KRT79: variants seen among roughly 807,000 people sequenced by gnomAD.
The protein encoded by KRT79 is keratin 79, also known as keratin, type II cytoskeletal 79.
A neutral mutation model predicts 49.0 loss-of-function variants in KRT79; 51 were observed. The ratio of observed to expected loss-of-function variants is 1.04; its 90% CI spans 0.83 to 1.31. The LOEUF is 1.31. Among genes scored for constraint, KRT79 ranks in the 40% most tolerant of loss-of-function variants. KRT79 has a pLI of 0.00. For synonymous variants in KRT79, 312 were observed against 286.6 expected, an observed-to-expected ratio of 1.09 and a Z score of -0.90; for missense variants, 728 against 688.0, an observed-to-expected ratio of 1.06 and a Z score of -0.65.
Position 52,823,868 on chromosome 12 carries a change from G to GC in KRT79, c.1146+18dup, listed in dbSNP as rs1565689784. On this transcript the variant is annotated intron_variant, in intron 6 of 8. Coordinates refer to ENST00000330553, the MANE Select transcript of KRT79 (RefSeq NM_175834.3). Reference sequence around the variant, plus strand: ...GCCAACACCTAGGCCAGACCCCCAAGCCCCCAGTAGAGTCCCACCTGCTTC... The same window carrying GC: ...GCCAACACCTAGGCCAGACCCCCAAGCCCCCCAGTAGAGTCCCACCTGCTTC... 1.2e-6 allele frequency: 2 copies of GC among 1,605,662 alleles called. No homozygotes were observed. Among genetic ancestry groups the GC allele is most frequent in the Non-Finnish European group, 8.5e-7 (1 of 1,176,804 alleles).
chr12:52,829,495 A>G (rs116839727), intron 4 of KRT79, among the ~76,000 whole-genome samples: 167 of 152,336 alleles, frequency 1.1e-3, no homozygotes, highest in African/African-American at 3.4e-3. Context: ...TAAAATTGAG[A>G]CAATAATAGT....
At chr12:52,824,104 C>G in intron 5 of KRT79, 92 bp from the exon 6 acceptor site, 1 of 1,612,306 alleles carries the variant, frequency 6.2e-7, no homozygotes, top group South Asian at 1.1e-5. Context: ...TATCTGGCCC[C>G]CCGGACTCCA....
chr12:52,831,670 A>T (rs753621406), intron 1 of KRT79, 44 bp from the exon 2 acceptor site: 11 of 1,537,378 alleles, frequency 7.2e-6, no homozygotes, highest in Non-Finnish European at 9.9e-6. Context: ...CCCTCCGGTC[A>T]CCAGAGGAGC....
At chr12:52,830,447 T>G in intron 2 of KRT79, 155 bp from the exon 3 acceptor site, 1 of 628,358 alleles carries the variant, frequency 1.6e-6, no homozygotes, top group Middle Eastern at 4.1e-4. Context: ...TGAAGAAACA[T>G]GGGGTCTGCC....
Position 52,834,073 on chromosome 12 carries a change from T to C in KRT79, c.188A>G (p.Tyr63Cys). 2 of 1,613,382 alleles carry C rather than the reference T, an allele frequency of 1.2e-6. No individual in the cohort carries two copies. Among genetic ancestry groups the C allele is most frequent in the Non-Finnish European group, 1.7e-6 (2 of 1,179,866 alleles). The stretch of plus-strand genomic sequence containing the variant: ...GATACTCTTGTGGCCCCCCAAGTTA[T>C]AGAGGCTTCGGCTGCCAAAGCCACC... ...GTGGFGSRSLYNLGGHKSISV... is the reference protein window; with the variant it reads ...GTGGFGSRSLCNLGGHKSISV... The change falls in exon 1 of 9, where the codon TAT becomes TGT. Residue 63 changes from tyrosine (Y) to cysteine (C), a missense_variant. By Grantham distance (194) the Tyr-to-Cys change is radical. Coordinates refer to ENST00000330553, the MANE Select transcript of KRT79 (RefSeq NM_175834.3).
In KRT79 at chr12:52,824,293, G is replaced by T. The variant is rs772659305; in HGVS notation, c.925C>A (p.Leu309Met). Reference sequence around the variant, plus strand: ...TCGGCGATGATGCTGTCCAGGTCCAGGTTGCGGTTGTTGTCCATGGACAGC... The same window carrying T: ...TCGGCGATGATGCTGTCCAGGTCCATGTTGCGGTTGTTGTCCATGGACAGC... ...VVLSMDNNRN[L>M]DLDSIIAEVK... Residue 309 changes from leucine to methionine, a missense_variant, in exon 5 of 9, where the codon CTG becomes ATG. Transcript: ENST00000330553. The T allele has an allele frequency of 1.2e-6, 2 of 1,614,254 alleles. No individual in the cohort carries two copies. Among genetic ancestry groups the T allele is most frequent in the East Asian group, 2.2e-5 (1 of 44,884 alleles).
intron 1 of KRT79, among the ~76,000 whole-genome samples, chr12:52,832,172 G>A (rs1438025621): frequency 6.6e-6 from 1 of 152,138 alleles, no homozygotes; most frequent in East Asian, 1.9e-4. Flanking sequence ...GGAGGCTGAA[G>A]TGGGAGGATC....
In KRT79 at chr12:52,833,847, C is replaced by T; in HGVS notation, c.414G>A (p.Val138=). ...TGATCTGCTCCCGCTCCTGAGTGCG[C>T]ACTCGCTGGATCTCGGGGTCAATCT... is the stretch of plus-strand genomic sequence containing the variant. ...HVEIDPEIQR[V]RTQEREQIKT... is the part of the protein sequence containing the mutation. Residue 138 remains valine, a synonymous_variant, in exon 1 of 9, where the codon GTG becomes GTA. Transcript: ENST00000330553. 1 of 1,613,996 alleles carries T rather than the reference C, an allele frequency of 6.2e-7. No homozygotes were observed. Among genetic ancestry groups the T allele is most frequent in the Non-Finnish European group, 8.5e-7 (1 of 1,180,014 alleles).
intron 2 of KRT79, chr12:52,830,599 C>T (rs1406042453): frequency 2.9e-6 from 1 of 349,866 alleles, no homozygotes; most frequent in Non-Finnish European, 5.2e-6. Context: ...GATGTGTCAA[C>T]AGTGGCTGAC....
At position 52,827,837 on chromosome 12, in the gene KRT79, A is replaced by T. The variant is rs933247333; in HGVS notation, c.855+2186T>A. 2.6e-5 allele frequency among the ~76,000 whole-genome samples: 4 copies of T among 152,200 alleles called. No individual in the cohort carries two copies. In the South Asian group the frequency reaches 6.2e-4, roughly 24 times the overall value. On this transcript the variant is annotated intron_variant, in intron 4 of 8. Coordinates refer to ENST00000330553, the MANE Select transcript of KRT79 (RefSeq NM_175834.3). ...GGAAAGCACAAGAAATATGCTTGAG[A>T]GGAAATGGGAACCCAAGACAGGGTA...
At chr12:52,825,770 G>A (rs1054760277) in intron 4 of KRT79, among the ~76,000 whole-genome samples, 4 of 152,130 alleles carry the variant, frequency 2.6e-5, no homozygotes, top group Non-Finnish European at 5.9e-5. Context: ...TTTGGAGATA[G>A]ACAAGCCTGA....
Position 52,824,010 on chromosome 12 carries a change from A to G in KRT79, c.1023T>C (p.Tyr341=), listed in dbSNP as rs200957413. ...TCCCAGCAGTCACCTGCAGCTCCTC[A>G]TACTGGGGACCAAAGAAGTGGCAGT... The part of the protein sequence containing the change: ...AEAEAWYQTK[Y]EELQVTAGKH... Residue 341 remains tyrosine, a splice_region_variant and synonymous_variant, in exon 6 of 9, where the codon TAT becomes TAC. Transcript: ENST00000330553. 30 of 1,614,040 alleles carry G rather than the reference A, an allele frequency of 1.9e-5. No individual in the cohort carries two copies. Among genetic ancestry groups the G allele is most frequent in the Middle Eastern group, 3.3e-4 (2 of 6,050 alleles).
Position 52,830,273 on chromosome 12 carries a change from T to G in KRT79, c.718A>C (p.Lys240Gln), listed in dbSNP as rs1310899642. Residue 240 changes from lysine (K) to glutamine (Q), a missense_variant, in exon 3 of 9, where the codon AAG (lysine) becomes CAG (glutamine). By Grantham distance (53) the Lys-to-Gln change is moderately conservative. Coordinates refer to ENST00000330553, the MANE Select transcript of KRT79 (RefSeq NM_175834.3). ...AACTCGTTCTCTGCAGCAGTGTGCTTGTTGATTTCATCCTCGTACCTGTTA... is the reference window on the plus strand; with the variant it reads ...AACTCGTTCTCTGCAGCAGTGTGCTGGTTGATTTCATCCTCGTACCTGTTA... The part of the protein sequence containing the change: ...FKNKYEDEIN[K>Q]HTAAENEFVV... 1 of 1,614,096 alleles carries G rather than the reference T, an allele frequency of 6.2e-7. No individual in the cohort carries two copies. Among genetic ancestry groups the G allele is most frequent in the Non-Finnish European group, 8.5e-7 (1 of 1,180,032 alleles).
rs776743691 is a variant in KRT79 at position 52,830,279 on chromosome 12, T to A, written c.712A>T (p.Ile238Phe). The change falls in exon 3 of 9, where the codon ATC (isoleucine) becomes TTC (phenylalanine). Residue 238 changes from isoleucine to phenylalanine, a missense_variant. Transcript: ENST00000330553. ...EDFKNKYEDE[I>F]NKHTAAENEF... ...TTCTCTGCAGCAGTGTGCTTGTTGA[T>A]TTCATCCTCGTACCTGTTACACATG... is the stretch of plus-strand genomic sequence containing the variant. 1 of 1,614,200 alleles carries A rather than the reference T, an allele frequency of 6.2e-7. No homozygotes were observed. The highest frequency in any genetic ancestry group is 2.2e-5 in the East Asian group (1 of 44,880).
At position 52,823,147 on chromosome 12, in the gene KRT79, A is replaced by G. The variant is rs1255249167; in HGVS notation, c.1236T>C (p.Asp412=). The G allele has an allele frequency of 6.2e-7, 1 of 1,614,186 alleles. No individual in the cohort carries two copies. Among genetic ancestry groups the G allele is most frequent in the East Asian group, 2.2e-5 (1 of 44,878 alleles). ...CCTCCTTGGCCTGGTGCAGGGCCAC[A>G]TCCAGATCCCCAAGCTTCTTCTGAG... The part of the protein sequence containing the change: ...KDAQKKLGDL[D]VALHQAKEDL... Residue 412 remains aspartate (D), a synonymous_variant, in exon 7 of 9, where the codon GAT becomes GAC. Transcript: ENST00000330553.
In KRT79 at chr12:52,834,273, G is replaced by C; in HGVS notation, c.-13C>G. ...CGGAGGACCTCATAGCTGCAGAGGG[G>C]CCGGAGGGCAGGATGAGAGGGCAGG... On this transcript the variant is annotated 5_prime_UTR_variant, in exon 1 of 9. Coordinates refer to ENST00000330553, the MANE Select transcript of KRT79 (RefSeq NM_175834.3). 1 of 1,603,346 alleles carries C rather than the reference G, an allele frequency of 6.2e-7. No individual in the cohort carries two copies. The highest frequency in any genetic ancestry group is 8.5e-7 in the Non-Finnish European group (1 of 1,171,830).
intron 1 of KRT79, 108 bp from the exon 2 acceptor site, chr12:52,831,734 G>A (rs1313334350): frequency 7.3e-6 from 6 of 825,786 alleles, no homozygotes; most frequent in African/African-American, 1.7e-5. Flanking sequence ...ACATAGGGAC[G>A]CTGCAGCCGC....
chr12:52,824,387 C>T (rs1940148447), intron 4 of KRT79, 25 bp from the exon 5 acceptor site: 1 of 1,609,620 alleles, frequency 6.2e-7, no homozygotes, highest in African/African-American at 1.3e-5. Flanking sequence ...ACAGCTGCCA[C>T]CAGCACCCCT....
At position 52,830,093 on chromosome 12, in the gene KRT79, C is replaced by T. The variant is rs373830985; in HGVS notation, c.785G>A (p.Arg262Gln). 70 of 1,614,146 alleles carry T rather than the reference C, an allele frequency of 4.3e-5. No homozygotes were observed. The highest frequency in any genetic ancestry group is 5.0e-5 in the Admixed American group (3 of 60,022). ...KKDVDAAYMG[R>Q]MDLHGKVGTL... ...GCCCACTTTGCCATGCAGATCCATC[C>T]GGCCCATGTATGCTGCATCCACATC... Residue 262 changes from arginine to glutamine, a missense_variant, in exon 4 of 9, where the codon CGG (arginine) becomes CAG (glutamine). Coordinates refer to ENST00000330553, the MANE Select transcript of KRT79 (RefSeq NM_175834.3).
Sources: allele counts gnomAD v4.1 joint callset (sites outside exome capture counted in the v4.1 genomes callset), GRCh38; gene constraint gnomAD v4.1.1; transcripts MANE v1.5; gene names NCBI Gene and HGNC (gene_info 2026-07-23, HGNC 2026-07-21).